Variants in SCFD1 observed in about 807,000 individuals in gnomAD.
The protein encoded by SCFD1 is sec1 family domain containing 1, also known as sec1 family domain-containing protein 1.
Under a neutral mutation model 103.2 loss-of-function variants are expected in SCFD1, and 37 were observed. The ratio of observed to expected loss-of-function variants is 0.36; its 90% CI spans 0.28 to 0.47. SCFD1 has a LOEUF of 0.47. Among genes scored for constraint, SCFD1 ranks in the 20% least tolerant of loss-of-function variants. The pLI is 1.00. For missense variants in SCFD1, 639 were observed against 761.2 expected (o/e 0.84, Z 1.89); for synonymous variants, 264 against 245.0 (o/e 1.08, Z -0.73).
intron 19 of SCFD1, among the ~76,000 whole-genome samples, chr14:30,712,582 T>C (rs1566653988): frequency 2.6e-5 from 4 of 152,216 alleles, no homozygotes; most frequent in Admixed American, 2.0e-4. Flanking sequence ...TGTTTTTACC[T>C]AAGCTTTTCC....
chr14:30,709,625 G>A (rs764285602), intron 19 of SCFD1, among the ~76,000 whole-genome samples: 62 of 152,040 alleles, frequency 4.1e-4, no homozygotes, highest in African/African-American at 1.4e-3. Context: ...TTTCTTACTC[G>A]TTCGTAGTAC....
chr14:30,684,293 A>G (rs868335774), intron 14 of SCFD1, among the ~76,000 whole-genome samples: 1 of 152,210 alleles, frequency 6.6e-6, no homozygotes, highest in Non-Finnish European at 1.5e-5. Flanking sequence ...TTACAGGTGC[A>G]TGCCACAGTG....
intron 19 of SCFD1, 49 bp from the exon 20 acceptor site, chr14:30,715,875 A>G: frequency 9.8e-7 from 1 of 1,015,518 alleles, no homozygotes; most frequent in Non-Finnish European, 1.5e-6. Context: ...TTTAATAGAG[A>G]AGAACTTTGG....
At chr14:30,650,760 A>G (rs935677699) in intron 9 of SCFD1, 110 bp downstream of exon 9, 1 of 652,706 alleles carries the variant, frequency 1.5e-6, no homozygotes. Context: ...GTTTCTTTTT[A>G]ATGAGCTAAT....
intron 7 of SCFD1, among the ~76,000 whole-genome samples, chr14:30,645,244 A>G (rs2079537228): frequency 6.6e-6 from 1 of 152,170 alleles, no homozygotes; most frequent in South Asian, 2.1e-4. Flanking sequence ...GCCGTGTAGT[A>G]GTATACTTCG....
intron 10 of SCFD1, among the ~76,000 whole-genome samples, chr14:30,668,370 C>T (rs1594655578): frequency 6.6e-6 from 1 of 152,196 alleles, no homozygotes; most frequent in Non-Finnish European, 1.5e-5. Flanking sequence ...AACTGGATCA[C>T]TTCCTTAAAC....
At chr14:30,631,997 G>T (rs958220663) in intron 3 of SCFD1, among the ~76,000 whole-genome samples, 1 of 132,452 alleles carries the variant, frequency 7.5e-6, no homozygotes, top group Non-Finnish European at 1.5e-5. Context: ...GTAGTGAACC[G>T]AGATCGTGAC....
intron 1 of SCFD1, among the ~76,000 whole-genome samples, chr14:30,625,940 G>A (rs966768575): frequency 2.6e-5 from 4 of 152,056 alleles, no homozygotes; most frequent in African/African-American, 9.6e-5. Flanking sequence ...TCAGGCTTTC[G>A]TTCTTCCAAG....
rs541004056 is a variant in SCFD1, at chr14:30,672,538, A to G, written c.996-719A>G. Among the ~76,000 whole-genome samples the G allele has an allele frequency of 3.0e-4, 46 of 152,292 alleles. No individual in the cohort carries two copies. In the South Asian group the frequency reaches 5.0e-3, roughly 16 times the overall value. On this transcript the variant is annotated intron_variant, in intron 11 of 24. Transcript: ENST00000458591. ...GAGAAAAGGCTTCTGGCCTCCCCCT[A>G]GGCTGTAGATGAAAAATACTCATTT... is the stretch of plus-strand genomic sequence containing the variant.
chr14:30,683,236 C>A, intron 14 of SCFD1: 1 of 1,098,506 alleles, frequency 9.1e-7, no homozygotes, highest in South Asian at 1.5e-5. Context: ...CAGGGCAGAC[C>A]ACTTGTCCTT....
chr14:30,701,467 A>G (rs1891072793), intron 16 of SCFD1, among the ~76,000 whole-genome samples: 1 of 151,992 alleles, frequency 6.6e-6, no homozygotes, highest in African/African-American at 2.4e-5. Flanking sequence ...AGGCAGGAGA[A>G]TGCCTTGAAC....
At chr14:30,725,401 T>C (rs1892973209) in intron 23 of SCFD1, among the ~76,000 whole-genome samples, 1 of 152,180 alleles carries the variant, frequency 6.6e-6, no homozygotes, top group South Asian at 2.1e-4. Context: ...ATCTTTCACC[T>C]CCCTAGTTAG....
chr14:30,650,361 A>G (rs1449901975), intron 8 of SCFD1, among the ~76,000 whole-genome samples: 1 of 152,246 alleles, frequency 6.6e-6, no homozygotes, highest in Non-Finnish European at 1.5e-5. Context: ...CCCGACTCAC[A>G]GTGGAAAAGG....
chr14:30,729,575 ACT>A (rs1893295561), intron 23 of SCFD1, among the ~76,000 whole-genome samples: 1 of 152,136 alleles, frequency 6.6e-6, no homozygotes, highest in Non-Finnish European at 1.5e-5. Context: ...CCAGTATTAC[ACT>A]GTGTTGATCA....
chr14:30,732,785 C>T (rs994797875), intron 23 of SCFD1, among the ~76,000 whole-genome samples: 1 of 152,094 alleles, frequency 6.6e-6, no homozygotes, highest in African/African-American at 2.4e-5. Flanking sequence ...ATCTAACTCA[C>T]AATGTAAATG....
At chr14:30,657,716 T>C (rs1887044660) in intron 10 of SCFD1, among the ~76,000 whole-genome samples, 2 of 152,238 alleles carry the variant, frequency 1.3e-5, no homozygotes, top group African/African-American at 2.4e-5. Flanking sequence ...CCTGCTACTT[T>C]TGAAGGTCTT....
At chr14:30,684,765 T>C (rs1889811899) in intron 14 of SCFD1, among the ~76,000 whole-genome samples, 1 of 146,066 alleles carries the variant, frequency 6.8e-6, no homozygotes, top group Non-Finnish European at 1.5e-5. Flanking sequence ...AAAATATATT[T>C]AAAGTCTCCA....
At chr14:30,647,408 T>G (rs1885948837) in intron 7 of SCFD1, among the ~76,000 whole-genome samples, 1 of 152,096 alleles carries the variant, frequency 6.6e-6, no homozygotes, top group Non-Finnish European at 1.5e-5. Context: ...TTTTTGATTC[T>G]TCAGCTCAGT....
chr14:30,654,720 G>A (rs1886736224), intron 10 of SCFD1, among the ~76,000 whole-genome samples: 1 of 151,926 alleles, frequency 6.6e-6, no homozygotes, highest in Non-Finnish European at 1.5e-5. Flanking sequence ...AGATGATTTG[G>A]TTTATTTCTT....
Sources: gnomAD v4.1 joint callset for allele counts (sites outside exome capture counted in the v4.1 genomes callset) on GRCh38, gnomAD v4.1.1 for gene constraint, MANE v1.5 for transcripts, NCBI Gene and HGNC (gene_info 2026-07-23, HGNC 2026-07-21) for gene names.